KCNT1: variants seen among roughly 807,000 people sequenced by gnomAD.
KCNT1 encodes the protein potassium sodium-activated channel subfamily T member 1.
A neutral mutation model predicts 147.8 loss-of-function variants in KCNT1; 78 were observed. That is an observed-to-expected ratio of 0.53 (90% CI 0.44 to 0.64). The LOEUF (loss-of-function observed/expected upper bound fraction) is 0.64, where lower values mean the gene tolerates loss of function less well. KCNT1 is among the 30% of genes least tolerant of loss of function. The pLI is 0.00. For missense variants in KCNT1, 1,419 were observed against 1,750.3 expected (o/e 0.81, Z 3.38); for synonymous variants, 867 against 748.8 (o/e 1.16, Z -2.58).
intron 22 of KCNT1, 87 bp from the exon 23 acceptor site, chr9:135,778,601 T>A (rs904585898): frequency 6.2e-7 from 1 of 1,601,936 alleles, no homozygotes; most frequent in African/African-American, 1.3e-5. Context: ...GGGGCTGAGG[T>A]CCTCCTGCCT....
chr9:135,725,052 TG>T lies in KCNT1; in HGVS notation c.254+10339del, dbSNP rs546806837. Among the ~76,000 whole-genome samples, 26 of 152,056 alleles carry T rather than the reference TG, an allele frequency of 1.7e-4. 1 individual carries two copies. In the South Asian group the frequency reaches 4.4e-3, roughly 26 times the overall value. ...CTGCCCCACCCAGGAGGCAACTGCG[TG>T]GGGGGGCGTGTGGTGGACACATGAC... On this transcript the variant is annotated intron_variant, in intron 2 of 30. Coordinates refer to ENST00000371757, the MANE Select transcript of KCNT1 (RefSeq NM_020822.3).
chr9:135,746,948 A>T (rs375469142), intron 2 of KCNT1, among the ~76,000 whole-genome samples: 81 of 151,554 alleles, frequency 5.3e-4, no homozygotes, highest in African/African-American at 1.8e-3. Context: ...TTGGTGGGGG[A>T]TGGTTGGCCT....
rs1832172453 is a variant in KCNT1, at chr9:135,765,156, G to A, written c.1161G>A (p.Met387Ile). The A allele has an allele frequency of 2.5e-6, 4 of 1,613,402 alleles. No individual in the cohort carries two copies. The highest frequency in any genetic ancestry group is 1.1e-5 in the South Asian group (1 of 91,074). The change falls in exon 12 of 31, where the codon ATG (methionine) becomes ATA (isoleucine). Residue 387 changes from methionine to isoleucine, a missense_variant. Physicochemically the swap from Met to Ile is conservative, Grantham distance 10. Transcript: ENST00000371757. Reference protein sequence around the residue: ...CVSSLKIDLLMDFLNEFYAHP... With the variant: ...CVSSLKIDLLIDFLNEFYAHP... ...GCTCCCTCAAGATCGACCTTCTCATGGACTTCCTGAACGAGTTCTACGCCC... is the reference window on the plus strand; with the variant it reads ...GCTCCCTCAAGATCGACCTTCTCATAGACTTCCTGAACGAGTTCTACGCCC...
intron 2 of KCNT1, chr9:135,742,910 T>TCC (rs1423816862): frequency 7.2e-6 from 5 of 694,174 alleles, no homozygotes; most frequent in Non-Finnish European, 1.3e-5. Context: ...CAACCCAGCA[T>TCC]CCCCTGCAGC....
Position 135,714,731 on chromosome 9 carries a change from G to A in KCNT1, c.254+11G>A. ...CCAGAACGACGACAGGTAGGGACCGGGCGCGGGGTGGGGGCTGGGGTCGCC... is the reference window on the plus strand; with the variant it reads ...CCAGAACGACGACAGGTAGGGACCGAGCGCGGGGTGGGGGCTGGGGTCGCC... On this transcript the variant is annotated intron_variant, in intron 2 of 30. Coordinates refer to ENST00000371757, the MANE Select transcript of KCNT1 (RefSeq NM_020822.3). The surrounding 1 kb of genome is among the most constrained non-coding windows in gnomAD (Gnocchi z 6.2). 1.5e-6 allele frequency: 2 copies of A among 1,356,578 alleles called. No homozygotes were observed. The highest frequency in any genetic ancestry group is 1.5e-5 in the South Asian group (1 of 67,340). The allele number at this position is 1,356,578 out of a possible 1,614,324, so 84.0% of individuals were successfully genotyped here.
chr9:135,787,187 C>T (rs1161955230), intron 29 of KCNT1, among the ~76,000 whole-genome samples: 3 of 152,254 alleles, frequency 2.0e-5, no homozygotes, highest in Non-Finnish European at 4.4e-5. Context: ...CCCCCTCCTG[C>T]CGCTTCAGGG....
Position 135,777,431 on chromosome 9 carries a change from T to C in KCNT1, c.2443T>C (p.Tyr815His). The C allele has an allele frequency of 6.2e-7, 1 of 1,614,060 alleles. No individual in the cohort carries two copies. The highest frequency in any genetic ancestry group is 8.5e-7 in the Non-Finnish European group (1 of 1,179,978). Reference protein sequence around the residue: ...VSAETAGNGLYNFIVPLRAYY... With the variant: ...VSAETAGNGLHNFIVPLRAYY... ...GGCAGAGACGGCCGGCAATGGGCTG[T>C]ACAACTTCATCGTGCCACTGCGGGC... The change falls in exon 21 of 31, where the codon TAC becomes CAC. Residue 815 changes from tyrosine (Y) to histidine (H), a missense_variant. Around this residue, in one of 5 missense-constraint regions of KCNT1, gnomAD observed 247 missense variants for 397.1 expected, o/e 0.62. Transcript: ENST00000371757.
intron 2 of KCNT1, among the ~76,000 whole-genome samples, chr9:135,725,741 G>A (rs1156729075): frequency 6.6e-6 from 1 of 152,236 alleles, no homozygotes; most frequent in African/African-American, 2.4e-5. Context: ...TGCCCTTGCT[G>A]GGTTTGGGAC....
chr9:135,774,076 A>G (rs1025826505), intron 19 of KCNT1, among the ~76,000 whole-genome samples: 5 of 148,790 alleles, frequency 3.4e-5, no homozygotes, highest in African/African-American at 1.0e-4. Context: ...GTGTGTGTCC[A>G]TATGTGTAAT....
Position 135,702,361 on chromosome 9 carries a change from G to T in KCNT1, c.103G>T (p.Ala35Ser), listed in dbSNP as rs751166469. The T allele has an allele frequency of 6.2e-7, 1 of 1,610,318 alleles. No homozygotes were observed. The highest frequency in any genetic ancestry group is 8.5e-7 in the Non-Finnish European group (1 of 1,178,336). The stretch of plus-strand genomic sequence containing the variant: ...CTTCGAGTTTGACGACGGCCAATGC[G>T]CCCCCAGGTACAGTCTGCTGCGCCC... ...RTFEFDDGQC[A>S]PRRPCAGDGA... is the part of the protein sequence containing the mutation. Residue 35 changes from alanine (A) to serine (S), a missense_variant, in exon 1 of 31, where the codon GCC becomes TCC. Ala to Ser is a moderately conservative substitution (Grantham distance 99, BLOSUM62 1). Transcript: ENST00000371757.
At position 135,784,518 on chromosome 9, in the gene KCNT1, C is replaced by T. The variant is rs1255015458; in HGVS notation, c.2944-17C>T. ...CCCTCCCTCCCTCCCTCCCTCCCTC[C>T]CTCCCTCCCTGGCCAGTCCTTCGTG... is the stretch of plus-strand genomic sequence containing the variant. On this transcript the variant is annotated splice_polypyrimidine_tract_variant and intron_variant, in intron 25 of 30. Transcript: ENST00000371757. 1.7e-5 allele frequency: 12 copies of T among 698,344 alleles called. No homozygotes were observed. Among genetic ancestry groups the T allele is most frequent in the Admixed American group, 1.4e-4 (5 of 36,326 alleles). The allele number at this position is 698,344 out of a possible 1,614,324, so 43.3% of individuals were successfully genotyped here. A position where few individuals can be genotyped will look rare whatever the true frequency, so the allele number is the denominator to read the frequency against.
intron 2 of KCNT1, among the ~76,000 whole-genome samples, chr9:135,717,131 G>A (rs554353262): frequency 3.4e-4 from 51 of 150,278 alleles, no homozygotes; most frequent in African/African-American, 1.1e-3. Flanking sequence ...GCCCTGTGGT[G>A]TTGGTGTGTA....
chr9:135,764,640 C>G (rs962264172), intron 11 of KCNT1, among the ~76,000 whole-genome samples: 2 of 152,206 alleles, frequency 1.3e-5, no homozygotes, highest in Admixed American at 6.5e-5. Flanking sequence ...ACCTGCCCCC[C>G]AGACATAGGC....
chr9:135,775,545 A>T (rs1833105677), intron 20 of KCNT1, 130 bp downstream of exon 20: 1 of 644,688 alleles, frequency 1.6e-6, no homozygotes, highest in Non-Finnish European at 2.5e-6. Flanking sequence ...AGCTGCAAGA[A>T]TTCTGCAAGG....
intron 1 of KCNT1, among the ~76,000 whole-genome samples, chr9:135,702,726 A>AC (rs1393321928): frequency 2.6e-5 from 4 of 151,736 alleles, no homozygotes; most frequent in South Asian, 4.2e-4. Context: ...CCCCTGCCCC[A>AC]CCCCAGCTTG....
intron 16 of KCNT1, 34 bp downstream of exon 16, chr9:135,770,089 A>G (rs1832645450): frequency 1.3e-6 from 2 of 1,520,142 alleles, no homozygotes; most frequent in South Asian, 1.2e-5. Context: ...ACCGACCTCC[A>G]TGGCGGGGCC....
intron 2 of KCNT1, among the ~76,000 whole-genome samples, chr9:135,725,051 G>A (rs374166413): frequency 4.6e-5 from 7 of 152,330 alleles, no homozygotes; most frequent in East Asian, 3.9e-4. Flanking sequence ...AGGCAACTGC[G>A]TGGGGGGGCG....
chr9:135,732,946 C>T (rs1487593187), intron 2 of KCNT1, among the ~76,000 whole-genome samples: 1 of 151,932 alleles, frequency 6.6e-6, no homozygotes, highest in Admixed American at 6.5e-5. Flanking sequence ...CAGGACACAC[C>T]CCCTGGTTGC....
chr9:135,785,862 G>T (rs1834003776), intron 28 of KCNT1: 1 of 459,762 alleles, frequency 2.2e-6, no homozygotes, highest in African/African-American at 2.0e-5. Flanking sequence ...ATGTGCTGGG[G>T]TCCAGATGGG....
Sources: gnomAD v4.1 joint callset for allele counts (sites outside exome capture counted in the v4.1 genomes callset) on GRCh38, gnomAD v4.1.1 for gene constraint, gnomAD v4.1.1 regional missense constraint, Gnocchi (gnomAD v3.1) non-coding constraint, MANE v1.5 for transcripts, NCBI Gene and HGNC (gene_info 2026-07-23, HGNC 2026-07-21) for gene names.